Variants in DISP1 observed in about 807,000 individuals in gnomAD.
DISP1 encodes the protein protein dispatched homolog 1.
Under a neutral mutation model 37.3 loss-of-function variants are expected in DISP1, and 30 were observed. That is an observed-to-expected ratio of 0.80 (90% confidence interval 0.60 to 1.09). DISP1 has a LOEUF of 1.09. DISP1 is among the 50% of genes least tolerant of loss of function. The pLI is 0.00. For synonymous variants in DISP1, 634 were observed against 690.2 expected, an observed-to-expected ratio of 0.92 and a Z score of 1.28; for missense variants, 1,598 against 1,879.5, an observed-to-expected ratio of 0.85 and a Z score of 2.77.
intron 1 of DISP1, among the ~76,000 whole-genome samples, chr1:222,894,476 C>T (rs888706767): frequency 2.0e-5 from 3 of 152,254 alleles, no homozygotes; most frequent in African/African-American, 7.2e-5. Context: ...TGTGCACACA[C>T]CCGCCCGGGT....
At position 223,004,262 on chromosome 1, in the gene DISP1, G is replaced by T; in HGVS notation, c.2865G>T (p.Leu955=). 1 of 1,614,120 alleles carries T rather than the reference G, an allele frequency of 6.2e-7. No individual in the cohort carries two copies. Among genetic ancestry groups the T allele is most frequent in the Non-Finnish European group, 8.5e-7 (1 of 1,180,008 alleles). ...TGGACTCGTGGATATCCAGTGAGCT[G>T]AGTTCGGCCCCTGAAGGCCTCAGCA... is the stretch of plus-strand genomic sequence containing the variant. ...KEVDSWISSE[L]SSAPEGLSNG... is the part of the protein sequence containing the mutation. Residue 955 remains leucine, a synonymous_variant, in exon 9 of 9, where the codon CTG becomes CTT. Coordinates refer to ENST00000675850, the MANE Select transcript of DISP1 (RefSeq NM_001377229.1). This position sits in a 1 kb window ranked among gnomAD's most constrained non-coding sequence, Gnocchi z 4.9.
intron 2 of DISP1, among the ~76,000 whole-genome samples, chr1:222,932,469 G>T (rs1335863300): frequency 6.6e-6 from 1 of 151,792 alleles, no homozygotes; most frequent in East Asian, 1.9e-4. Context: ...CTAGTTTTGG[G>T]GTTAGATAAC....
intron 1 of DISP1, among the ~76,000 whole-genome samples, chr1:222,898,985 AAAG>A (rs1417553646): frequency 6.6e-6 from 1 of 152,198 alleles, no homozygotes; most frequent in African/African-American, 2.4e-5. Context: ...TTTCTGGAGA[AAAG>A]AACTAAATAT....
chr1:222,976,512 G>T (rs1010115282), intron 3 of DISP1, among the ~76,000 whole-genome samples: 4 of 152,010 alleles, frequency 2.6e-5, no homozygotes, highest in Admixed American at 2.6e-4. Context: ...ACTTCAGAGG[G>T]ATCTAATGTT....
intron 1 of DISP1, among the ~76,000 whole-genome samples, chr1:222,881,464 G>T (rs985976820): frequency 1.3e-5 from 2 of 152,192 alleles, no homozygotes; most frequent in Admixed American, 1.3e-4. Flanking sequence ...CCAAAGTGCT[G>T]GGATTACAGA....
At chr1:222,931,298 T>C (rs1673376980) in intron 2 of DISP1, among the ~76,000 whole-genome samples, 2 of 151,842 alleles carry the variant, frequency 1.3e-5, no homozygotes, top group South Asian at 2.1e-4. Flanking sequence ...TTTTTTTTTT[T>C]CCTTTGGGCT....
intron 3 of DISP1, among the ~76,000 whole-genome samples, chr1:222,970,259 A>G (rs778731171): frequency 1.3e-5 from 2 of 152,064 alleles, no homozygotes; most frequent in Non-Finnish European, 2.9e-5. Context: ...CCGTTCATCA[A>G]TCTCCACCTT....
intron 1 of DISP1, among the ~76,000 whole-genome samples, chr1:222,915,752 A>G (rs1207536431): frequency 6.6e-6 from 1 of 152,216 alleles, no homozygotes; most frequent in African/African-American, 2.4e-5. Flanking sequence ...CATGGTGATA[A>G]ATGTCTCTTC....
chr1:222,928,206 G>C (rs1023843792), intron 1 of DISP1, among the ~76,000 whole-genome samples: 4 of 152,208 alleles, frequency 2.6e-5, no homozygotes, highest in Non-Finnish European at 5.9e-5. Flanking sequence ...TTTCCCTGTG[G>C]AAGCAGGAAA....
chr1:222,829,425 C>G (rs1665193246), intron 1 of DISP1, among the ~76,000 whole-genome samples: 1 of 151,260 alleles, frequency 6.6e-6, no homozygotes, highest in African/African-American at 2.4e-5. Flanking sequence ...GGTAACTTTA[C>G]TTCATCAGTT....
intron 2 of DISP1, among the ~76,000 whole-genome samples, chr1:222,936,725 ATG>A (rs1315487872): frequency 2.8e-5 from 3 of 106,526 alleles, no homozygotes; most frequent in African/African-American, 1.1e-4. Context: ...TATCATATAT[ATG>A]ATATATAAAA....
chr1:222,961,816 G>A (rs879522148), intron 3 of DISP1, among the ~76,000 whole-genome samples: 19 of 152,076 alleles, frequency 1.2e-4, no homozygotes, highest in Non-Finnish European at 2.2e-4. Context: ...GACCATCCTG[G>A]CCAACATGGT....
intron 1 of DISP1, among the ~76,000 whole-genome samples, chr1:222,863,094 G>A (rs1668977294): frequency 6.6e-6 from 1 of 152,196 alleles, no homozygotes; most frequent in Admixed American, 6.5e-5. Context: ...AAGAGATGCT[G>A]TGCTGTTCTC....
chr1:222,955,803 A>T (rs898661520), intron 3 of DISP1, among the ~76,000 whole-genome samples: 1 of 152,194 alleles, frequency 6.6e-6, no homozygotes, highest in African/African-American at 2.4e-5. Flanking sequence ...CTCAGTTCCT[A>T]AATAAGACTT....
At chr1:222,908,352 TA>T (rs66869200) in intron 1 of DISP1, among the ~76,000 whole-genome samples, 85,315 of 151,880 alleles carry the variant, frequency 0.56, 24,473 homozygotes, top group South Asian at 0.72. Flanking sequence ...ACCCTTAATG[TA>T]AAAAAAATTT....
intron 1 of DISP1, among the ~76,000 whole-genome samples, chr1:222,866,285 T>C (rs1485703505): frequency 1.3e-5 from 2 of 152,076 alleles, no homozygotes; most frequent in Non-Finnish European, 2.9e-5. Context: ...GAATTGGGCC[T>C]CAGATATATG....
At chr1:222,889,184 G>A (rs1362870868) in intron 1 of DISP1, among the ~76,000 whole-genome samples, 1 of 151,918 alleles carries the variant, frequency 6.6e-6, no homozygotes, top group African/African-American at 2.4e-5. Flanking sequence ...AAAGGTATTG[G>A]GATTCTTCTG....
At chr1:222,847,710 C>T (rs1667992132) in intron 1 of DISP1, among the ~76,000 whole-genome samples, 1 of 152,072 alleles carries the variant, frequency 6.6e-6, no homozygotes, top group African/African-American at 2.4e-5. Flanking sequence ...ACACCAACCC[C>T]CACCCCCAAT....
At chr1:222,836,965 C>A (rs1024603385) in intron 1 of DISP1, 1 of 397,970 alleles carries the variant, frequency 2.5e-6, no homozygotes, top group African/African-American at 2.1e-5. Context: ...CAAATATACT[C>A]CAGTAGCCAT....
Sources: gnomAD v4.1 joint callset for allele counts (sites outside exome capture counted in the v4.1 genomes callset) on GRCh38, gnomAD v4.1.1 for gene constraint, Gnocchi (gnomAD v3.1) non-coding constraint, MANE v1.5 for transcripts, NCBI Gene and HGNC (gene_info 2026-07-23, HGNC 2026-07-21) for gene names.